The following GCSAML variants were observed in gnomAD, a reference collection of about 807,000 sequenced individuals.
GCSAML encodes the protein germinal center-associated signaling and motility-like protein.
Under a neutral mutation model 13.0 loss-of-function variants are expected in GCSAML, and 9 were observed. That is an observed-to-expected ratio of 0.69 (90% confidence interval 0.42 to 1.21). The LOEUF (loss-of-function observed/expected upper bound fraction) is 1.21, where lower values mean the gene tolerates loss of function less well. GCSAML is among the 50% of genes most tolerant of loss of function. The pLI is 0.00. For missense variants in GCSAML, 143 were observed against 153.4 expected (o/e 0.93, Z 0.36); for synonymous variants, 37 against 52.9 (o/e 0.70, Z 1.31).
intron 1 of GCSAML, among the ~76,000 whole-genome samples, chr1:247,522,751 A>T (rs1213038280): frequency 6.6e-6 from 1 of 152,056 alleles, no homozygotes; most frequent in Non-Finnish European, 1.5e-5. Context: ...CCCTAATCTC[A>T]AGTACCCAGG....
At chr1:247,560,385 T>C (rs1553306818) in intron 2 of GCSAML, among the ~76,000 whole-genome samples, 1 of 152,214 alleles carries the variant, frequency 6.6e-6, no homozygotes, top group Non-Finnish European at 1.5e-5. Context: ...TGGAGAGTAA[T>C]ACAGTTCTTG....
chr1:247,521,344 CGG>C (rs1558235851), intron 1 of GCSAML, among the ~76,000 whole-genome samples: 5 of 136,384 alleles, frequency 3.7e-5, no homozygotes, highest in Non-Finnish European at 7.8e-5. Context: ...TCCCTCTCCA[CGG>C]TCTCCCTCTC....
intron 3 of GCSAML, 36 bp from the exon 4 acceptor site, chr1:247,565,895 C>G (rs576492666): frequency 6.7e-7 from 1 of 1,491,756 alleles, no homozygotes; most frequent in Non-Finnish European, 9.1e-7. Context: ...ACAGTGCTTT[C>G]CTTTCTTTCT....
intron 1 of GCSAML, among the ~76,000 whole-genome samples, chr1:247,517,272 T>C (rs1666242113): frequency 6.6e-6 from 1 of 152,332 alleles, no homozygotes; most frequent in South Asian, 2.1e-4. Flanking sequence ...CAGGCTATTT[T>C]CCCCAAAATG....
rs139483619 is a variant in GCSAML at position 247,571,104 on chromosome 1, G to A, written c.169-3039G>A. 8.7e-3 allele frequency among the ~76,000 whole-genome samples: 1,319 copies of A among 152,272 alleles called. 21 individuals are homozygous for A. Among genetic ancestry groups the A allele is most frequent in the African/African-American group, 0.03 (1,263 of 41,544 alleles). ...TGAGTGTATGTGTGTCTCTGCATGT[G>A]AGATGGGTCTCCTGAATACAGCACA... On this transcript the variant is annotated intron_variant, in intron 4 of 4. Transcript: ENST00000366488.
chr1:247,567,483 CAT>C (rs1668430128), intron 4 of GCSAML, among the ~76,000 whole-genome samples: 2 of 152,134 alleles, frequency 1.3e-5, no homozygotes, highest in South Asian at 4.1e-4. Context: ...CAGCTTCATC[CAT>C]GTCCCTGCAA....
At chr1:247,524,554 GCAGGGATATCA>G (rs1666581805) in intron 1 of GCSAML, 5 of 152,174 alleles carry the variant, frequency 3.3e-5, no homozygotes, top group African/African-American at 1.2e-4. Flanking sequence ...TCCTATGAAA[GCAGGGATATCA>G]GTTATTTATT....
chr1:247,557,009 C>T (rs1667978500), intron 2 of GCSAML, among the ~76,000 whole-genome samples: 1 of 152,178 alleles, frequency 6.6e-6, no homozygotes, highest in South Asian at 2.1e-4. Context: ...AGCCACCAAA[C>T]TCAGCCTCAC....
intron 1 of GCSAML, among the ~76,000 whole-genome samples, chr1:247,509,169 T>G (rs1665926824): frequency 6.6e-6 from 1 of 152,198 alleles, no homozygotes; most frequent in African/African-American, 2.4e-5. Context: ...GTTTGTGTCC[T>G]TTCTGATTTC....
intron 2 of GCSAML, among the ~76,000 whole-genome samples, chr1:247,559,926 A>G (rs1034007715): frequency 6.6e-6 from 1 of 152,192 alleles, no homozygotes; most frequent in Non-Finnish European, 1.5e-5. Context: ...TTAAGATCCT[A>G]TCTCCAAATA....
At chr1:247,546,440 A>G (rs143204211), upstream of GCSAML, among the ~76,000 whole-genome samples, 775 of 150,578 alleles carry the variant, frequency 5.1e-3, 10 homozygotes, top group East Asian at 0.038. Flanking sequence ...CTCACTGCAA[A>G]CTCCGCCTTC....
At chr1:247,549,823 T>C (rs1366167406) in intron 1 of GCSAML, among the ~76,000 whole-genome samples, 1 of 152,244 alleles carries the variant, frequency 6.6e-6, no homozygotes, top group Non-Finnish European at 1.5e-5. Flanking sequence ...CTTCATAATT[T>C]ATAGAATGTG....
intron 1 of GCSAML, among the ~76,000 whole-genome samples, chr1:247,522,500 G>T (rs1400108833): frequency 6.6e-6 from 1 of 152,110 alleles, no homozygotes; most frequent in African/African-American, 2.4e-5. Context: ...AAAAGATAGA[G>T]AAATCAGACT....
At chr1:247,550,818 T>C (rs1667754460) in intron 1 of GCSAML, among the ~76,000 whole-genome samples, 1 of 152,060 alleles carries the variant, frequency 6.6e-6, no homozygotes, top group Non-Finnish European at 1.5e-5. Flanking sequence ...AGTTAAGCAA[T>C]ATTTATGGAA....
Position 247,567,052 on chromosome 1 carries a change from G to A in GCSAML, c.168+1093G>A, listed in dbSNP as rs1668403976. 2.7e-5 allele frequency among the ~76,000 whole-genome samples: 4 copies of A among 150,714 alleles called. No homozygotes were observed. In the South Asian group the frequency reaches 8.3e-4, roughly 31 times the overall value. ...ATTAAAGCACAATTAGTAGAAGCTT[G>A]GAGTGCAGTTTATGCTGCTATAATG... On this transcript the variant is annotated intron_variant, in intron 4 of 4. Transcript: ENST00000366488.
At position 247,577,119 on chromosome 1, in the gene GCSAML, A is replaced by T. The variant is rs1668866789; in HGVS notation, c.*2737A>T. On this transcript the variant is annotated 3_prime_UTR_variant, in exon 5 of 5. Transcript: ENST00000366488. ...CTATCTTATGTGGTTATGAAGAACA[A>T]TAGAATCATTGCTGTATAAGTGCTT... 1 of 152,230 alleles carries T rather than the reference A, an allele frequency of 6.6e-6. No individual in the cohort carries two copies. Among genetic ancestry groups the T allele is most frequent in the Non-Finnish European group, 1.5e-5 (1 of 68,036 alleles). The allele number at this position is 152,230 out of a possible 1,614,324, so 9.4% of individuals were successfully genotyped here.
At chr1:247,518,628 C>G (rs1430999111) in intron 1 of GCSAML, 1 of 152,314 alleles carries the variant, frequency 6.6e-6, no homozygotes, top group African/African-American at 2.4e-5. Flanking sequence ...AACACTCACC[C>G]CGCGATTTCG....
At chr1:247,534,606 G>A (rs1425834281) in intron 2 of GCSAML, among the ~76,000 whole-genome samples, 1 of 152,114 alleles carries the variant, frequency 6.6e-6, no homozygotes, top group Non-Finnish European at 1.5e-5. Flanking sequence ...GCCCTTCTTT[G>A]CAAAACATTA....
intron 2 of GCSAML, among the ~76,000 whole-genome samples, chr1:247,539,659 G>T (rs1382382266): frequency 6.6e-6 from 1 of 152,096 alleles, no homozygotes; most frequent in African/African-American, 2.4e-5. Context: ...GGGAGCCCTC[G>T]GCCTCAAACA....
Sources: gnomAD v4.1 joint callset for allele counts (sites outside exome capture counted in the v4.1 genomes callset) on GRCh38, gnomAD v4.1.1 for gene constraint, MANE v1.5 for transcripts, NCBI Gene and HGNC (gene_info 2026-07-23, HGNC 2026-07-21) for gene names.